HECW1: variants seen among roughly 807,000 people sequenced by gnomAD.
HECW1 encodes E3 ubiquitin-protein ligase HECW1.
HECW1 carries 61 observed loss-of-function variants against 182.3 expected under a neutral mutation model. The ratio of observed to expected loss-of-function variants is 0.33; its 90% CI spans 0.27 to 0.41. HECW1 has a LOEUF of 0.41. Ranked by LOEUF, HECW1 falls within the 10% of genes least tolerant of loss-of-function variation. The probability of loss-of-function intolerance (pLI) is 1.00; values close to 1 mark genes in which losing one functional copy is unlikely to be tolerated. For synonymous variants in HECW1, 859 were observed against 832.6 expected (o/e 1.03, Z -0.55); for missense variants, 1,739 against 2,108.9 (o/e 0.82, Z 3.44).
At chr7:43,281,923 C>A (rs1803969820) in intron 3 of HECW1, among the ~76,000 whole-genome samples, 1 of 152,028 alleles carries the variant, frequency 6.6e-6, no homozygotes, top group African/African-American at 2.4e-5. Flanking sequence ...TCCTGCCCTG[C>A]ATCCTTTAAG....
intron 24 of HECW1, among the ~76,000 whole-genome samples, chr7:43,532,753 C>T (rs1376801969): frequency 6.6e-6 from 1 of 152,172 alleles, no homozygotes; most frequent in Non-Finnish European, 1.5e-5. Context: ...TTATTCTCCC[C>T]CATCATCACT....
At chr7:43,355,502 G>C (rs1187977092) in intron 5 of HECW1, among the ~76,000 whole-genome samples, 1 of 151,822 alleles carries the variant, frequency 6.6e-6, no homozygotes, top group Non-Finnish European at 1.5e-5. Flanking sequence ...TATTCTTTGT[G>C]ATCTAAGATA....
chr7:43,512,958 C>T (rs186310768), intron 24 of HECW1, among the ~76,000 whole-genome samples: 7 of 152,130 alleles, frequency 4.6e-5, no homozygotes, highest in Admixed American at 2.6e-4. Context: ...CCTTCTTCTG[C>T]GTCCCATCCT....
intron 2 of HECW1, among the ~76,000 whole-genome samples, chr7:43,185,083 A>G (rs1320920589): frequency 6.6e-6 from 1 of 151,960 alleles, no homozygotes; most frequent in Non-Finnish European, 1.5e-5. Context: ...TTGTGTGGGG[A>G]TGCAGATGCA....
At chr7:43,487,151 A>ATCG (rs985166720) in intron 17 of HECW1, among the ~76,000 whole-genome samples, 20 of 151,994 alleles carry the variant, frequency 1.3e-4, no homozygotes, top group African/African-American at 4.6e-4. Context: ...ATTTTTTTTT[A>ATCG]TCAAGTCTCC....
chr7:43,447,507 A>G (rs888656418), intron 11 of HECW1, among the ~76,000 whole-genome samples: 7 of 152,186 alleles, frequency 4.6e-5, no homozygotes, highest in Admixed American at 2.6e-4. Context: ...AAGCACCTAC[A>G]TGCTTCACTA....
chr7:43,141,416 T>C (rs28478631), intron 2 of HECW1, among the ~76,000 whole-genome samples: 3,530 of 152,192 alleles, frequency 0.023, 146 homozygotes, highest in African/African-American at 0.081. Flanking sequence ...AAGCTAGTGG[T>C]TTTCTTAGAA....
chr7:43,380,821 G>T (rs1184638709), intron 6 of HECW1, among the ~76,000 whole-genome samples: 2 of 152,128 alleles, frequency 1.3e-5, no homozygotes, highest in African/African-American at 2.4e-5. Context: ...GAGCCACCAG[G>T]CCTGGCCAAT....
chr7:43,552,296 C>A lies in HECW1; in HGVS notation c.4470C>A (p.Ile1490=). Residue 1490 remains isoleucine, a synonymous_variant, in exon 28 of 30, where the codon ATC becomes ATA. Transcript: ENST00000395891. ...TGGTGATAGCTGGCACCGCGGAAATCGACCTAAATGACTGGCGGAATAACA... is the reference window on the plus strand; with the variant it reads ...TGGTGATAGCTGGCACCGCGGAAATAGACCTAAATGACTGGCGGAATAACA... ...LELVIAGTAE[I]DLNDWRNNTE... 6.2e-7 allele frequency: 1 copy of A among 1,613,782 alleles called. No homozygotes were observed. The highest frequency in any genetic ancestry group is 8.5e-7 in the Non-Finnish European group (1 of 1,179,778).
intron 24 of HECW1, among the ~76,000 whole-genome samples, chr7:43,519,267 G>A (rs887674843): frequency 1.3e-5 from 2 of 149,888 alleles, no homozygotes; most frequent in Non-Finnish European, 3.0e-5. Context: ...TTTTTTTTTA[G>A]ACAGAGTCTT....
chr7:43,129,622 G>GAAAAAC (rs1562576351), intron 2 of HECW1, among the ~76,000 whole-genome samples: 2 of 152,088 alleles, frequency 1.3e-5, no homozygotes, highest in Admixed American at 1.3e-4. Flanking sequence ...ATAGGTAATT[G>GAAAAAC]AAAAACAAAA....
chr7:43,260,775 G>T (rs1180721207), intron 3 of HECW1, among the ~76,000 whole-genome samples: 1 of 152,164 alleles, frequency 6.6e-6, no homozygotes, highest in African/African-American at 2.4e-5. Context: ...GGGACACAGG[G>T]GTATCAAGAC....
chr7:43,328,567 G>A (rs56175109), intron 5 of HECW1, among the ~76,000 whole-genome samples: 30,869 of 152,242 alleles, frequency 0.2, 4,038 homozygotes, highest in Non-Finnish European at 0.3. Flanking sequence ...AAGACAAGAC[G>A]CAGGCGTGCA....
At chr7:43,301,423 T>C (rs1390510546) in intron 3 of HECW1, among the ~76,000 whole-genome samples, 2 of 152,196 alleles carry the variant, frequency 1.3e-5, no homozygotes, top group African/African-American at 2.4e-5. Context: ...GCCCTCACCA[T>C]TGTGTCATAG....
At position 43,449,744 on chromosome 7, in the gene HECW1, G is replaced by T. The variant is rs186285252; in HGVS notation, c.2399-1084G>T. 2.2e-3 allele frequency among the ~76,000 whole-genome samples: 335 copies of T among 152,248 alleles called. 2 individuals carry two copies. The highest frequency in any genetic ancestry group is 6.7e-3 in the African/African-American group (277 of 41,546). On this transcript the variant is annotated intron_variant, in intron 11 of 29. Transcript: ENST00000395891. ...GACCTTTGCCCTCTGGCCCTTAAAG[G>T]CTTTTGCAAGAAAACCAGCATGGTG...
At chr7:43,319,236 A>T (rs916789852) in intron 4 of HECW1, among the ~76,000 whole-genome samples, 9 of 151,198 alleles carry the variant, frequency 6.0e-5, no homozygotes, top group Non-Finnish European at 1.2e-4. Flanking sequence ...AAATACAAAA[A>T]ATTAGCCGGG....
intron 5 of HECW1, among the ~76,000 whole-genome samples, chr7:43,324,070 C>A (rs756519818): frequency 1.4e-4 from 22 of 151,906 alleles, no homozygotes; most frequent in Admixed American, 4.6e-4. Context: ...AAGGCATATT[C>A]CAAATAACTG....
At chr7:43,428,965 T>C (rs2076445832) in intron 8 of HECW1, among the ~76,000 whole-genome samples, 1 of 151,692 alleles carries the variant, frequency 6.6e-6, no homozygotes. Flanking sequence ...TATGTATGTG[T>C]ATATGTATGT....
chr7:43,172,046 G>A (rs1000370848), intron 2 of HECW1, among the ~76,000 whole-genome samples: 1 of 151,900 alleles, frequency 6.6e-6, no homozygotes, highest in African/African-American at 2.4e-5. Context: ...GGGAGGCTGA[G>A]GCGGGTGGAT....
Sources: allele counts gnomAD v4.1 joint callset (sites outside exome capture counted in the v4.1 genomes callset), GRCh38; gene constraint gnomAD v4.1.1; transcripts MANE v1.5; gene names NCBI Gene and HGNC (gene_info 2026-07-23, HGNC 2026-07-21).